ADAMTS6: variants seen among roughly 807,000 people sequenced by gnomAD.
ADAMTS6 encodes the protein A disintegrin and metalloproteinase with thrombospondin motifs 6.
In ADAMTS6, 23 loss-of-function variants were observed where a neutral mutation model predicts 144.3. The observed-to-expected ratio is 0.16, with a 90% CI of 0.11 to 0.23. ADAMTS6 has a LOEUF of 0.23. ADAMTS6 is among the 10% of genes least tolerant of loss of function. The pLI is 1.00. For synonymous variants in ADAMTS6, 444 were observed against 457.5 expected, an observed-to-expected ratio of 0.97 and a Z score of 0.38; for missense variants, 999 against 1,379.6, an observed-to-expected ratio of 0.72 and a Z score of 4.37.
intron 7 of ADAMTS6, among the ~76,000 whole-genome samples, chr5:65,402,241 T>C (rs1387433943): frequency 6.6e-6 from 1 of 152,114 alleles, no homozygotes; most frequent in East Asian, 1.9e-4. Context: ...CTATGTCTCT[T>C]TCTCTTCTCT....
chr5:65,479,319 T>C (rs537478284), intron 1 of ADAMTS6, among the ~76,000 whole-genome samples: 16 of 152,300 alleles, frequency 1.1e-4, no homozygotes, highest in African/African-American at 3.8e-4. Context: ...GTGAGATTGG[T>C]TTCCAAGGAA....
chr5:65,382,103 T>C (rs1000218117), intron 7 of ADAMTS6, among the ~76,000 whole-genome samples: 1 of 152,208 alleles, frequency 6.6e-6, no homozygotes, highest in Non-Finnish European at 1.5e-5. Context: ...AATTTGAGGT[T>C]AACTCTTTGG....
At chr5:65,433,306 T>G (rs1430070791) in intron 7 of ADAMTS6, among the ~76,000 whole-genome samples, 1 of 152,156 alleles carries the variant, frequency 6.6e-6, no homozygotes, top group Non-Finnish European at 1.5e-5. Context: ...TGCTTAGCAC[T>G]GTACCAAAAA....
chr5:65,298,206 T>G (rs1161108154), intron 10 of ADAMTS6, among the ~76,000 whole-genome samples: 1 of 152,122 alleles, frequency 6.6e-6, no homozygotes, highest in Non-Finnish European at 1.5e-5. Context: ...CTGGTCCTTG[T>G]ATTTAGTATA....
chr5:65,418,834 A>G (rs539188979), intron 7 of ADAMTS6, among the ~76,000 whole-genome samples: 1 of 152,340 alleles, frequency 6.6e-6, no homozygotes, highest in South Asian at 2.1e-4. Context: ...AATGTAAATC[A>G]AAACCACAAT....
At chr5:65,286,773 T>C (rs1294697621) in intron 11 of ADAMTS6, among the ~76,000 whole-genome samples, 1 of 152,216 alleles carries the variant, frequency 6.6e-6, no homozygotes, top group Non-Finnish European at 1.5e-5. Context: ...ATCTATGCTT[T>C]TTGGGAAGCA....
chr5:65,242,320 T>C (rs1759261236), intron 14 of ADAMTS6, 114 bp from the exon 15 acceptor site: 2 of 614,602 alleles, frequency 3.3e-6, no homozygotes, highest in Non-Finnish European at 5.2e-6. Context: ...TCTGTGGCTA[T>C]AATTCTGGCA....
At chr5:65,407,549 T>C (rs1277079337) in intron 7 of ADAMTS6, among the ~76,000 whole-genome samples, 1 of 138,034 alleles carries the variant, frequency 7.2e-6, no homozygotes, top group Non-Finnish European at 1.5e-5. Context: ...CCATGTGTTC[T>C]CATTGTCCAA....
At chr5:65,175,370 G>GA (rs1237866239) in intron 22 of ADAMTS6, among the ~76,000 whole-genome samples, 1 of 147,040 alleles carries the variant, frequency 6.8e-6, no homozygotes, top group Non-Finnish European at 1.5e-5. Flanking sequence ...AAGAAAGAGA[G>GA]AAAGAGAGAA....
chr5:65,341,752 C>A (rs1747846271), intron 7 of ADAMTS6, among the ~76,000 whole-genome samples: 2 of 152,110 alleles, frequency 1.3e-5, no homozygotes, highest in African/African-American at 4.8e-5. Flanking sequence ...CCACTGATTT[C>A]TAACAAATCT....
intron 7 of ADAMTS6, among the ~76,000 whole-genome samples, chr5:65,388,326 A>T (rs1752642660): frequency 6.6e-6 from 1 of 152,126 alleles, no homozygotes; most frequent in African/African-American, 2.4e-5. Flanking sequence ...ACTGCATCTG[A>T]TGTATGCAGC....
At chr5:65,277,169 T>A (rs1347874202) in intron 11 of ADAMTS6, among the ~76,000 whole-genome samples, 1 of 152,182 alleles carries the variant, frequency 6.6e-6, no homozygotes, top group Non-Finnish European at 1.5e-5. Context: ...GGGGTCAACT[T>A]CCAATCAGTT....
intron 15 of ADAMTS6, among the ~76,000 whole-genome samples, chr5:65,235,778 T>G (rs1034947153): frequency 8.5e-5 from 13 of 152,150 alleles, no homozygotes; most frequent in African/African-American, 3.1e-4. Context: ...AAACTTCCCT[T>G]TATATATATT....
chr5:65,360,788 A>G (rs754062870), intron 7 of ADAMTS6, among the ~76,000 whole-genome samples: 1 of 152,222 alleles, frequency 6.6e-6, no homozygotes, highest in Non-Finnish European at 1.5e-5. Flanking sequence ...AGTGAATGTT[A>G]TAAGAGTTCA....
rs557215848 is a variant in ADAMTS6 at position 65,314,511 on chromosome 5, C to T, written c.1224-14380G>A. On this transcript the variant is annotated intron_variant, in intron 9 of 24. Coordinates refer to ENST00000381055, the MANE Select transcript of ADAMTS6 (RefSeq NM_197941.4). ...ATAATGGCTAAGAATTTTTCAACAT[C>T]AATGACAGATACCCAACTACAGATC... 3.7e-4 allele frequency among the ~76,000 whole-genome samples: 57 copies of T among 152,164 alleles called. 1 individual carries two copies. Among genetic ancestry groups the T allele is most frequent in the Admixed American group, 3.0e-3 (46 of 15,288 alleles).
chr5:65,260,954 TC>T (rs548140834), intron 13 of ADAMTS6, among the ~76,000 whole-genome samples: 14 of 151,932 alleles, frequency 9.2e-5, no homozygotes, highest in Non-Finnish European at 1.5e-4. Flanking sequence ...CTCAAGAAAA[TC>T]AATTGAATCA....
chr5:65,194,188 C>G (rs1251626180), intron 21 of ADAMTS6, among the ~76,000 whole-genome samples: 1 of 152,046 alleles, frequency 6.6e-6, no homozygotes, highest in Non-Finnish European at 1.5e-5. Flanking sequence ...TCAGATGGTC[C>G]CTGATGTTTG....
intron 11 of ADAMTS6, among the ~76,000 whole-genome samples, chr5:65,274,076 T>A (rs1007501861): frequency 6.6e-6 from 1 of 152,204 alleles, no homozygotes; most frequent in Non-Finnish European, 1.5e-5. Flanking sequence ...CTGCTGTTTA[T>A]AGAATGCTTT....
At position 65,348,972 on chromosome 5, in the gene ADAMTS6, C is replaced by G. The variant is rs971922684; in HGVS notation, c.1074-14887G>C. On this transcript the variant is annotated intron_variant, in intron 7 of 24. Transcript: ENST00000381055. ...ATATGAAGACGGTTTATACACTTTA[C>G]TACATCTAAAATTTTTTCTTTCCAA... is the stretch of plus-strand genomic sequence containing the variant. 2.1e-4 allele frequency among the ~76,000 whole-genome samples: 32 copies of G among 152,176 alleles called. 1 individual carries two copies. Among genetic ancestry groups the G allele is most frequent in the Non-Finnish European group, 3.2e-4 (22 of 67,980 alleles).
Sources: allele counts gnomAD v4.1 joint callset (sites outside exome capture counted in the v4.1 genomes callset), GRCh38; gene constraint gnomAD v4.1.1; transcripts MANE v1.5; gene names NCBI Gene and HGNC (gene_info 2026-07-23, HGNC 2026-07-21).